The following PEX1 variants were observed in gnomAD, a reference collection of about 807,000 sequenced individuals.
PEX1 encodes peroxisomal biogenesis factor 1, also known as peroxisomal ATPase PEX1.
Under a neutral mutation model 152.5 loss-of-function variants are expected in PEX1, and 97 were observed. The observed-to-expected ratio is 0.64, with a 90% confidence interval of 0.54 to 0.75. The LOEUF (loss-of-function observed/expected upper bound fraction) is 0.75, where lower values mean the gene tolerates loss of function less well. Ranked by LOEUF, PEX1 falls within the 30% of genes least tolerant of loss-of-function variation. The probability of loss-of-function intolerance (pLI) is 0.00; values close to 1 mark genes in which losing one functional copy is unlikely to be tolerated. For missense variants in PEX1, 1,357 were observed against 1,516.3 expected, an observed-to-expected ratio of 0.89 and a Z score of 1.74; for synonymous variants, 485 against 531.6, an observed-to-expected ratio of 0.91 and a Z score of 1.21.
In PEX1 at chr7:92,504,751, C is replaced by T. The variant is rs1482227380; in HGVS notation, c.2052G>A (p.Gln684=). 2 of 1,614,166 alleles carry T rather than the reference C, an allele frequency of 1.2e-6. No homozygotes were observed. The highest frequency in any genetic ancestry group is 1.7e-6 in the Non-Finnish European group (2 of 1,180,026). Residue 684 remains glutamine, a synonymous_variant, in exon 12 of 24, where the codon CAG becomes CAA. Coordinates refer to ENST00000248633, the MANE Select transcript of PEX1 (RefSeq NM_000466.3). The part of the protein sequence containing the change: ...PEHEHSPDAV[Q]SQRLAHALND... ...ATTTACCATGAGCAAGCCGCTGGCT[C>T]TGCACCGCATCAGGACTGTGCTCAT...
Position 92,517,518 on chromosome 7 carries a change from CAT to C in PEX1, c.995_996del (p.Tyr332TrpfsTer5), listed in dbSNP as rs1190973818. 1 of 1,613,896 alleles carries C rather than the reference CAT, an allele frequency of 6.2e-7. No homozygotes were observed. Among genetic ancestry groups the C allele is most frequent in the Non-Finnish European group, 8.5e-7 (1 of 1,179,980 alleles). Reference protein sequence around the residue: ...FDVEPSFTVTYGKLVKLLSPK... With the variant: ...FDVEPSFTVTXGKLVKLLSPK... ...GGAGAAAGTAGCTTAACTAGCTTTC[CAT>C]ATGTCACAGTAAAGCTGGGCTCTAC... On this transcript the variant is annotated frameshift_variant, in exon 5 of 24. Transcript: ENST00000248633. LOFTEE classifies it high-confidence loss of function.
At chr7:92,496,570 A>G (rs1479110186) in intron 17 of PEX1, 143 bp downstream of exon 17, 1 of 693,784 alleles carries the variant, frequency 1.4e-6, no homozygotes, top group East Asian at 2.6e-5. Flanking sequence ...TGAAATAGAG[A>G]ATCCACGTCC....
At chr7:92,502,866 G>C (rs1384005959) in intron 13 of PEX1, among the ~76,000 whole-genome samples, 175 bp downstream of exon 13, 1 of 152,112 alleles carries the variant, frequency 6.6e-6, no homozygotes, top group East Asian at 1.9e-4. Flanking sequence ...TAACATTTCA[G>C]GTGGCTATAA....
intron 2 of PEX1, among the ~76,000 whole-genome samples, chr7:92,521,679 C>T (rs749411861): frequency 3.3e-5 from 5 of 152,092 alleles, no homozygotes; most frequent in Admixed American, 6.6e-5. Context: ...TCAAATTATC[C>T]GCCCACCTTG....
intron 16 of PEX1, among the ~76,000 whole-genome samples, chr7:92,498,722 C>T (rs1014364022): frequency 6.6e-6 from 1 of 152,050 alleles, no homozygotes; most frequent in African/African-American, 2.4e-5. Context: ...TAGCATGCCC[C>T]TTAATTACCA....
rs1792017482 is a variant in PEX1, at chr7:92,503,164, G to A, written c.2103C>T (p.Ser701=). Residue 701 remains serine (S), a synonymous_variant, in exon 13 of 24, where the codon TCC becomes TCT. Transcript: ENST00000248633. Reference sequence around the variant, plus strand: ...CAATCAGTGCAACCAAACTTCCCATGGAGATAAACTCTTTTATCATATCAT... The same window carrying A: ...CAATCAGTGCAACCAAACTTCCCATAGAGATAAACTCTTTTATCATATCAT... ...ALNDMIKEFI[S]MGSLVALIAT... 5 of 1,613,640 alleles carry A rather than the reference G, an allele frequency of 3.1e-6. 2 individuals carry two copies. Among genetic ancestry groups the A allele is most frequent in the Admixed American group, 3.3e-5 (2 of 59,994 alleles).
chr7:92,513,852 T>C lies in PEX1; in HGVS notation c.1355A>G (p.Asn452Ser), dbSNP rs1200703267. 1.3e-6 allele frequency: 2 copies of C among 1,597,934 alleles called. No individual in the cohort carries two copies. Among genetic ancestry groups the C allele is most frequent in the Non-Finnish European group, 1.7e-6 (2 of 1,166,226 alleles). Residue 452 changes from asparagine (N) to serine (S), a missense_variant, in exon 6 of 24, where the codon AAT becomes AGT. By Grantham distance (46) the Asn-to-Ser change is conservative (BLOSUM62 1). Coordinates refer to ENST00000248633, the MANE Select transcript of PEX1 (RefSeq NM_000466.3). Reference sequence around the variant, plus strand: ...AACATATATATTTGAACTCACTAAATTCTCTCTAGGTTGTAACTTTAGAGA... The same window carrying C: ...AACATATATATTTGAACTCACTAAACTCTCTCTAGGTTGTAACTTTAGAGA... ...PRSLKLQPRE[N>S]LPKDISEEDI...
chr7:92,506,723 T>A, intron 10 of PEX1: 4 of 518,314 alleles, frequency 7.7e-6, no homozygotes, highest in Non-Finnish European at 1.4e-5. Context: ...CAACACCTAA[T>A]AGCCTAAAAA....
rs62653599 is a variant in PEX1, at chr7:92,494,298, CAGG to C, written c.3022_3024del (p.Pro1008del). ...TCTAAATATGAAATTGTCACCTGAT[CAGG>C]AGGAGGACAGTATACACATTTATCT... On this transcript the variant is annotated inframe_deletion, in exon 19 of 24. Coordinates refer to ENST00000248633, the MANE Select transcript of PEX1 (RefSeq NM_000466.3). 6 of 1,611,332 alleles carry C rather than the reference CAGG, an allele frequency of 3.7e-6. No individual in the cohort carries two copies. Among genetic ancestry groups the C allele is most frequent in the Non-Finnish European group, 5.1e-6 (6 of 1,177,904 alleles).
intron 8 of PEX1, among the ~76,000 whole-genome samples, chr7:92,510,160 T>A (rs38805): frequency 2.0e-5 from 3 of 149,766 alleles, no homozygotes; most frequent in African/African-American, 2.5e-5. Context: ...AAAAAAAAGA[T>A]GACTCTTAAA....
intron 5 of PEX1, among the ~76,000 whole-genome samples, chr7:92,516,892 C>G (rs1447634080): frequency 1.3e-5 from 2 of 152,164 alleles, no homozygotes; most frequent in Admixed American, 1.3e-4. Context: ...AAGTTGCTTT[C>G]GGTAACTGGG....
chr7:92,515,770 G>A (rs1367629196), intron 5 of PEX1, among the ~76,000 whole-genome samples: 7 of 152,020 alleles, frequency 4.6e-5, no homozygotes, highest in Admixed American at 4.6e-4. Context: ...GAGGCAGGCG[G>A]ATCACTTGAG....
intron 9 of PEX1, among the ~76,000 whole-genome samples, chr7:92,508,590 AT>A (rs200713968): frequency 0.031 from 4,761 of 152,204 alleles, 104 homozygotes; most frequent in Non-Finnish European, 0.042. Context: ...TGCTATAAAC[AT>A]TTTGACTTTA....
chr7:92,515,504 G>A lies in PEX1; in HGVS notation c.1240-1537C>T, dbSNP rs528040925. ...CAACCTTCAGTGGAGTGGGAAGGGC[G>A]GAGTCCTTATTGCTATCTTAATCAC... On this transcript the variant is annotated intron_variant, in intron 5 of 23. Transcript: ENST00000248633. 1.4e-4 allele frequency among the ~76,000 whole-genome samples: 21 copies of A among 152,144 alleles called. No individual in the cohort carries two copies. The South Asian group carries it at 2.5e-3, about 18-fold the overall frequency.
intron 15 of PEX1, among the ~76,000 whole-genome samples, chr7:92,500,161 C>A (rs1373776157): frequency 1.3e-5 from 2 of 152,130 alleles, no homozygotes; most frequent in Admixed American, 6.5e-5. Context: ...AAGTATAGTG[C>A]CTTTCATGGA....
chr7:92,519,630 CATT>C (rs1478260674), intron 2 of PEX1, among the ~76,000 whole-genome samples: 1 of 152,020 alleles, frequency 6.6e-6, no homozygotes, highest in Non-Finnish European at 1.5e-5. Context: ...TAAATATTCT[CATT>C]ATTTCTAGAA....
chr7:92,525,679 T>G (rs1793234701), intron 1 of PEX1, among the ~76,000 whole-genome samples: 2 of 152,160 alleles, frequency 1.3e-5, no homozygotes, highest in Admixed American at 1.3e-4. Flanking sequence ...AACAAAAAAT[T>G]ATCCAGCTCA....
intron 6 of PEX1, among the ~76,000 whole-genome samples, chr7:92,512,224 G>A (rs2116212831): frequency 6.6e-6 from 1 of 152,324 alleles, no homozygotes; most frequent in East Asian, 1.9e-4. Flanking sequence ...GTTTCACCAT[G>A]TTGGCCAGGC....
chr7:92,508,964 TAAG>T (rs1165624804), intron 9 of PEX1, among the ~76,000 whole-genome samples: 1 of 152,118 alleles, frequency 6.6e-6, no homozygotes, highest in African/African-American at 2.4e-5. Context: ...TTATTTGTTC[TAAG>T]AATTATTGTT....
Sources: allele counts gnomAD v4.1 joint callset (sites outside exome capture counted in the v4.1 genomes callset), GRCh38; gene constraint gnomAD v4.1.1; transcripts MANE v1.5; gene names NCBI Gene and HGNC (gene_info 2026-07-23, HGNC 2026-07-21).